Variants in TRMT1L observed in about 807,000 individuals in gnomAD.
TRMT1L encodes tRNA (guanine(27)-N(2))-dimethyltransferase.
TRMT1L carries 28 observed loss-of-function variants against 81.6 expected under a neutral mutation model. The observed-to-expected ratio is 0.34, with a 90% confidence interval of 0.25 to 0.47. The LOEUF (loss-of-function observed/expected upper bound fraction) is 0.47, where lower values mean the gene tolerates loss of function less well. TRMT1L is among the 20% of genes least tolerant of loss of function. The pLI, the probability that TRMT1L is intolerant of heterozygous loss-of-function variation, is 1.00. For synonymous variants in TRMT1L, 301 were observed against 303.2 expected (o/e 0.99, Z 0.07); for missense variants, 739 against 877.1 (o/e 0.84, Z 1.99).
At chr1:185,128,838 A>G (rs1196498733) in intron 10 of TRMT1L, 91 bp from the exon 11 acceptor site, 22 of 1,113,426 alleles carry the variant, frequency 2.0e-5, no homozygotes, top group Non-Finnish European at 2.9e-5. Flanking sequence ...TGCAGCTACT[A>G]TATACTGAGG....
intron 13 of TRMT1L, among the ~76,000 whole-genome samples, chr1:185,122,200 G>C (rs1416845929): frequency 6.6e-6 from 1 of 152,104 alleles, no homozygotes; most frequent in Non-Finnish European, 1.5e-5. Context: ...GGGCACCTAG[G>C]TTGATTCTGT....
Position 185,156,543 on chromosome 1 carries a change from G to A in TRMT1L, c.170C>T (p.Pro57Leu). 6.2e-7 allele frequency: 1 copy of A among 1,609,314 alleles called. No individual in the cohort carries two copies. The highest frequency in any genetic ancestry group is 8.5e-7 in the Non-Finnish European group (1 of 1,178,030). The change falls in exon 1 of 15, where the codon CCT (proline) becomes CTT (leucine). Residue 57 changes from proline to leucine, a missense_variant. Around this residue, in one of 4 missense-constraint regions of TRMT1L, gnomAD observed 209 missense variants for 165.4 expected, o/e 1.26. Coordinates refer to ENST00000367506, the MANE Select transcript of TRMT1L (RefSeq NM_030934.5). Reference protein sequence around the residue: ...PTPASAPAPAPALAQAPALSP... With the variant: ...PTPASAPAPALALAQAPALSP... ...CAGGGCCGGAGCCTGGGCCAGGGCA[G>A]GGGCTGGGGCTGGAGCCGAGGCCGG...
At chr1:185,153,769 T>C (rs1571360362) in intron 1 of TRMT1L, among the ~76,000 whole-genome samples, 1 of 152,132 alleles carries the variant, frequency 6.6e-6, no homozygotes, top group South Asian at 2.1e-4. Context: ...GAAACTGATA[T>C]GTAAAGAGCC....
At chr1:185,129,531 T>G (rs1201016846) in intron 10 of TRMT1L, among the ~76,000 whole-genome samples, 1 of 152,190 alleles carries the variant, frequency 6.6e-6, no homozygotes, top group East Asian at 1.9e-4. Flanking sequence ...TCATTTTATA[T>G]CAGATATTCT....
Position 185,143,371 on chromosome 1 carries a change from G to GC in TRMT1L, c.844dup (p.Ala282GlyfsTer26). On this transcript the variant is annotated frameshift_variant, in exon 7 of 15. Transcript: ENST00000367506. LOFTEE classifies it high-confidence loss of function. The stretch of plus-strand genomic sequence containing the variant: ...TCCTCACTTACCAGTGGCTCCAAAA[G>GC]CATCTAGACATTCCAAAGGTTTTCG... The GC allele has an allele frequency of 6.2e-7, 1 of 1,603,308 alleles. No individual in the cohort carries two copies. Among genetic ancestry groups the GC allele is most frequent in the Non-Finnish European group, 8.5e-7 (1 of 1,174,480 alleles).
At chr1:185,123,793 C>T (rs1370091409) in intron 13 of TRMT1L, 64 bp downstream of exon 13, 8 of 967,662 alleles carry the variant, frequency 8.3e-6, no homozygotes, top group Non-Finnish European at 1.2e-5. Context: ...TCTCTTCCTA[C>T]CCTTTTGCTA....
At chr1:185,147,075 T>C (rs1653206801) in intron 4 of TRMT1L, 107 bp downstream of exon 4, 1 of 606,216 alleles carries the variant, frequency 1.6e-6, no homozygotes, top group South Asian at 2.7e-5. Context: ...AATTTTAAAG[T>C]AAACCACACT....
rs920136918 is a variant in TRMT1L at position 185,156,929 on chromosome 1, C to T, written c.-217G>A. The T allele has an allele frequency of 1.9e-5, 12 of 631,804 alleles. No individual in the cohort carries two copies. In the Admixed American group the frequency reaches 2.5e-4, roughly 13 times the overall value. The allele number at this position is 631,804 out of a possible 1,614,324, so 39.1% of individuals were successfully genotyped here. A position where few individuals can be genotyped will look rare whatever the true frequency, so the allele number is the denominator to read the frequency against. ...GAGGCAGCGATTCCAGATGCCCGTC[C>T]GCTTCCCTTTCCCCGAGGCGTTACG... On this transcript the variant is annotated 5_prime_UTR_variant, in exon 1 of 15. Coordinates refer to ENST00000367506, the MANE Select transcript of TRMT1L (RefSeq NM_030934.5).
chr1:185,124,833 C>A (rs1571342349), intron 12 of TRMT1L, 111 bp downstream of exon 12: 1 of 1,033,414 alleles, frequency 9.7e-7, no homozygotes, highest in South Asian at 2.3e-5. Context: ...TTACTAAAAA[C>A]ACACTATTTA....
intron 10 of TRMT1L, among the ~76,000 whole-genome samples, chr1:185,136,601 T>C (rs1652905997): frequency 6.6e-6 from 1 of 152,084 alleles, no homozygotes; most frequent in Non-Finnish European, 1.5e-5. Context: ...CAAAATAATA[T>C]GCCAACTGGG....
chr1:185,143,503 A>G, intron 6 of TRMT1L, 67 bp from the exon 7 acceptor site: 1 of 1,415,422 alleles, frequency 7.1e-7, no homozygotes, highest in South Asian at 1.2e-5. Flanking sequence ...TATTTCATTT[A>G]AGAATAGTGA....
intron 5 of TRMT1L, 90 bp downstream of exon 5, chr1:185,145,349 T>A: frequency 7.2e-7 from 1 of 1,381,024 alleles, no homozygotes; most frequent in Admixed American, 1.9e-5. Flanking sequence ...TAAATCAGCA[T>A]TATTTTATAT....
In TRMT1L at chr1:185,156,679, G is replaced by C. The variant is rs762959096; in HGVS notation, c.34C>G (p.Leu12Val). ...ENMAEEELLP[L>V]EKEEVEVAQV... ...GCCACCTCCACCTCCTCCTTCTCCA[G>C]GGGCAGCAGCTCCTCCTCCGCCATA... is the stretch of plus-strand genomic sequence containing the variant. The change falls in exon 1 of 15, where the codon CTG (leucine) becomes GTG (valine). Residue 12 changes from leucine (L) to valine (V), a missense_variant. Leu to Val is a conservative substitution (Grantham distance 32, BLOSUM62 1). Coordinates refer to ENST00000367506, the MANE Select transcript of TRMT1L (RefSeq NM_030934.5). The C allele has an allele frequency of 6.2e-7, 1 of 1,612,338 alleles. No individual in the cohort carries two copies. The highest frequency in any genetic ancestry group is 8.5e-7 in the Non-Finnish European group (1 of 1,179,694).
At chr1:185,134,164 T>C (rs1652840349) in intron 10 of TRMT1L, among the ~76,000 whole-genome samples, 1 of 149,280 alleles carries the variant, frequency 6.7e-6, no homozygotes, top group South Asian at 2.1e-4. Flanking sequence ...TTAATAAGAC[T>C]TACGGAACTA....
upstream of TRMT1L, chr1:185,157,063 C>A: frequency 3.5e-6 from 1 of 287,352 alleles, no homozygotes; most frequent in Non-Finnish European, 6.7e-6. Context: ...CCAAACCGAA[C>A]AAAGACTACA....
rs1652414612 is a variant in TRMT1L, at chr1:185,118,415, A to G, written c.*1604T>C. The stretch of plus-strand genomic sequence containing the variant: ...TTGCATTAAGCCCAACTCATCACTG[A>G]TCAACATATTTCATGCTGATAAGCA... On this transcript the variant is annotated 3_prime_UTR_variant, in exon 15 of 15. Coordinates refer to ENST00000367506, the MANE Select transcript of TRMT1L (RefSeq NM_030934.5). 1 of 152,166 alleles carries G rather than the reference A, an allele frequency of 6.6e-6. No homozygotes were observed. Among genetic ancestry groups the G allele is most frequent in the Non-Finnish European group, 1.5e-5 (1 of 68,008 alleles). The allele number at this position is 152,166 out of a possible 1,614,324, so 9.4% of individuals were successfully genotyped here.
chr1:185,123,412 T>G (rs898939844), intron 13 of TRMT1L, among the ~76,000 whole-genome samples: 1 of 152,196 alleles, frequency 6.6e-6, no homozygotes, highest in African/African-American at 2.4e-5. Context: ...ATTTAAAGTA[T>G]GCACATATCC....
In TRMT1L at chr1:185,139,960, CT is replaced by C. The variant is rs1281540550; in HGVS notation, c.1109+12del. 3.1e-6 allele frequency: 5 copies of C among 1,599,294 alleles called. No homozygotes were observed. In the South Asian group the frequency reaches 5.6e-5, roughly 18 times the overall value. Reference sequence around the variant, plus strand: ...AAGTTTAGAAAGTGACACGGCAAGTCTTTTCTACTTACATGAAATCAAAAGA... The same window carrying C: ...AAGTTTAGAAAGTGACACGGCAAGTCTTTCTACTTACATGAAATCAAAAGA... On this transcript the variant is annotated intron_variant, in intron 8 of 14. Transcript: ENST00000367506.
At chr1:185,134,767 A>C (rs1652855759) in intron 10 of TRMT1L, among the ~76,000 whole-genome samples, 2 of 152,258 alleles carry the variant, frequency 1.3e-5, no homozygotes, top group South Asian at 4.1e-4. Context: ...TGGGCAAAGA[A>C]AAGCTTTGAA....
Sources: gnomAD v4.1 joint callset for allele counts (sites outside exome capture counted in the v4.1 genomes callset) on GRCh38, gnomAD v4.1.1 for gene constraint, gnomAD v4.1.1 regional missense constraint, MANE v1.5 for transcripts, NCBI Gene and HGNC (gene_info 2026-07-23, HGNC 2026-07-21) for gene names.